The following SORBS2 variants were observed in gnomAD, a reference collection of about 807,000 sequenced individuals.
SORBS2 encodes sorbin and SH3 domain-containing protein 2.
Under a neutral mutation model 97.7 loss-of-function variants are expected in SORBS2, and 46 were observed. The ratio of observed to expected loss-of-function variants is 0.47; its 90% CI spans 0.37 to 0.60. SORBS2 has a LOEUF of 0.60. SORBS2 is among the 20% of genes least tolerant of loss of function. SORBS2 has a pLI of 0.00. For synonymous variants in SORBS2, 476 were observed against 473.4 expected, an observed-to-expected ratio of 1.01 and a Z score of -0.07; for missense variants, 1,316 against 1,282.3, an observed-to-expected ratio of 1.03 and a Z score of -0.40.
intron 2 of SORBS2, among the ~76,000 whole-genome samples, chr4:185,713,564 A>G (rs1212544491): frequency 6.6e-6 from 1 of 152,212 alleles, no homozygotes; most frequent in Non-Finnish European, 1.5e-5. Flanking sequence ...TACACAGGGT[A>G]GTTAGGGGAA....
chr4:185,863,388 G>A (rs2099224989), intron 1 of SORBS2, among the ~76,000 whole-genome samples: 1 of 152,140 alleles, frequency 6.6e-6, no homozygotes, highest in Non-Finnish European at 1.5e-5. Context: ...ACAGTACTGT[G>A]CAACGTCCTA....
chr4:185,774,946 T>C (rs1224500000), intron 2 of SORBS2: 2 of 151,758 alleles, frequency 1.3e-5, no homozygotes, highest in African/African-American at 4.8e-5. Context: ...TGAAACATCC[T>C]CTCATTGCTC....
At chr4:185,858,050 C>T (rs571604651) in intron 1 of SORBS2, among the ~76,000 whole-genome samples, 8 of 152,234 alleles carry the variant, frequency 5.3e-5, no homozygotes, top group African/African-American at 1.9e-4. Context: ...TTTCAAAATC[C>T]CTAATAAAAA....
chr4:185,619,838 C>T (rs2096687991), intron 8 of SORBS2, among the ~76,000 whole-genome samples: 1 of 152,120 alleles, frequency 6.6e-6, no homozygotes, highest in South Asian at 2.1e-4. Flanking sequence ...GCCTCATGGC[C>T]AAAACTGGGC....
intron 1 of SORBS2, among the ~76,000 whole-genome samples, chr4:185,874,274 G>A (rs13139354): frequency 0.22 from 33,278 of 151,938 alleles, 4,149 homozygotes; most frequent in East Asian, 0.54. Context: ...TAAAATACTC[G>A]CTGTGATCCC....
intron 1 of SORBS2, among the ~76,000 whole-genome samples, chr4:185,783,504 A>G (rs1200652702): frequency 6.6e-6 from 1 of 152,200 alleles, no homozygotes; most frequent in Non-Finnish European, 1.5e-5. Flanking sequence ...GATTTTATGT[A>G]TAGTATATTA....
Position 185,866,772 on chromosome 4 carries a change from A to AT in SORBS2, c.-338+89423dup, listed in dbSNP as rs148835200. On this transcript the variant is annotated intron_variant, in intron 1 of 20. Coordinates refer to the SORBS2 transcript ENST00000284776. The stretch of plus-strand genomic sequence containing the variant: ...GTAGATTACTGCCACCTTGCAATTT[A>AT]TTTTATCACTATTGCTACCATATCC... 2.0e-3 allele frequency among the ~76,000 whole-genome samples: 310 copies of AT among 152,340 alleles called. 9 individuals are homozygous for AT. In the East Asian group the frequency reaches 0.055, roughly 27 times the overall value.
At chr4:185,911,870 A>T (rs2099255279) in intron 1 of SORBS2, among the ~76,000 whole-genome samples, 1 of 152,224 alleles carries the variant, frequency 6.6e-6, no homozygotes, top group African/African-American at 2.4e-5. Context: ...TAGCATCAAC[A>T]TTCACAGAAC....
At chr4:185,690,659 A>G in intron 2 of SORBS2, 48 bp from the exon 4 acceptor site, 1 of 787,174 alleles carries the variant, frequency 1.3e-6, no homozygotes. Flanking sequence ...TGTGGAAGAA[A>G]ATATCATGAA....
At chr4:185,904,049 AGAAACCACCGTACAT>A (rs1228785763) in intron 1 of SORBS2, among the ~76,000 whole-genome samples, 2 of 152,334 alleles carry the variant, frequency 1.3e-5, no homozygotes, top group Non-Finnish European at 2.9e-5. Flanking sequence ...TTTTTAATCT[AGAAACCACCGTACAT>A]TCATTTAAAA....
chr4:185,895,220 C>T (rs1447436804), intron 1 of SORBS2, among the ~76,000 whole-genome samples: 2 of 152,222 alleles, frequency 1.3e-5, no homozygotes, highest in African/African-American at 4.8e-5. Context: ...ACTGAAGCAA[C>T]AGCAGTGAAC....
intron 1 of SORBS2, among the ~76,000 whole-genome samples, chr4:185,892,399 A>G (rs146325154): frequency 6.6e-6 from 1 of 152,310 alleles, no homozygotes; most frequent in African/African-American, 2.4e-5. Flanking sequence ...AATCCATGTT[A>G]ATTATTCCCC....
chr4:185,911,944 C>T (rs1291360781), intron 1 of SORBS2, among the ~76,000 whole-genome samples: 1 of 152,206 alleles, frequency 6.6e-6, no homozygotes, highest in Non-Finnish European at 1.5e-5. Flanking sequence ...AGAAATGCCA[C>T]ATCACTAGTG....
chr4:185,597,151 G>A (rs766493015), intron 12 of SORBS2, among the ~76,000 whole-genome samples: 2 of 152,212 alleles, frequency 1.3e-5, no homozygotes, highest in Admixed American at 6.5e-5. Flanking sequence ...TAGGGAATGA[G>A]TAGCAAGAAC....
intron 1 of SORBS2, among the ~76,000 whole-genome samples, chr4:185,934,351 A>C (rs1273800504): frequency 2.0e-5 from 3 of 152,210 alleles, no homozygotes; most frequent in Admixed American, 2.0e-4. Context: ...AAAGGCTTGC[A>C]CTCACCAGTG....
chr4:185,637,855 AAAG>A (rs1398022135), intron 4 of SORBS2, among the ~76,000 whole-genome samples: 1 of 152,120 alleles, frequency 6.6e-6, no homozygotes, highest in Non-Finnish European at 1.5e-5. Flanking sequence ...AATTAGATGT[AAAG>A]AAATCTTAAT....
rs1469742215 is a variant in SORBS2 at position 185,606,746 on chromosome 4, C to T, written c.2796+5034G>A. 2.2e-5 allele frequency: 22 copies of T among 985,166 alleles called. No individual in the cohort carries two copies. Among genetic ancestry groups the T allele is most frequent in the South Asian group, 4.7e-5 (1 of 21,272 alleles). 61.0% of individuals were successfully genotyped at this position (985,166 alleles called of 1,614,324 possible). On this transcript the variant is annotated intron_variant, in intron 12 of 14. Coordinates refer to ENST00000418609, the Ensembl canonical transcript of SORBS2. The surrounding 1 kb of genome is among the most constrained non-coding windows in gnomAD (Gnocchi z 4.3). ...GACCCATCGTGGCCACACCACCAGG[C>T]GTCTCCTTCCTGAGGTTCTGGCGGC...
At chr4:185,870,608 C>G (rs886275568) in intron 1 of SORBS2, among the ~76,000 whole-genome samples, 2 of 152,244 alleles carry the variant, frequency 1.3e-5, no homozygotes, top group African/African-American at 4.8e-5. Flanking sequence ...ATGCTGCGCT[C>G]GTTCCTCAGG....
intron 2 of SORBS2, 98 bp downstream of exon 11, chr4:185,651,686 C>T (rs1581847806): frequency 6.5e-6 from 5 of 767,466 alleles, no homozygotes; most frequent in Admixed American, 3.9e-5. Flanking sequence ...GAACTGAAAA[C>T]ATGTGCTCAA....
Sources: allele counts gnomAD v4.1 joint callset (sites outside exome capture counted in the v4.1 genomes callset), GRCh38; gene constraint gnomAD v4.1.1; non-coding constraint Gnocchi (gnomAD v3.1); transcripts MANE v1.5; gene names NCBI Gene and HGNC (gene_info 2026-07-23, HGNC 2026-07-21).